LYST: variants seen among roughly 807,000 people sequenced by gnomAD.
LYST encodes the protein lysosomal trafficking regulator, also known as lysosomal-trafficking regulator.
In LYST, 192 loss-of-function variants were observed where a neutral mutation model predicts 413.6. The ratio of observed to expected loss-of-function variants is 0.46; its 90% confidence interval spans 0.41 to 0.52. The LOEUF (loss-of-function observed/expected upper bound fraction) is 0.52, where lower values mean the gene tolerates loss of function less well. Among genes scored for constraint, LYST ranks in the 20% least tolerant of loss-of-function variants. The probability of loss-of-function intolerance (pLI) is 0.00; values close to 1 mark genes in which losing one functional copy is unlikely to be tolerated. For missense variants in LYST, 3,815 were observed against 4,499.9 expected (o/e 0.85, Z 4.35); for synonymous variants, 1,525 against 1,567.3 (o/e 0.97, Z 0.64).
At chr1:235,666,258 ACACACACACAC>A (rs1558095640) in intron 50 of LYST, among the ~76,000 whole-genome samples, 2 of 149,234 alleles carry the variant, frequency 1.3e-5, no homozygotes, top group African/African-American at 5.0e-5. Context: ...ACACACACAC[ACACACACACAC>A]AATTTTCTTT....
intron 42 of LYST, chr1:235,712,971 G>A (rs1215073069): frequency 3.0e-6 from 3 of 985,274 alleles, no homozygotes; most frequent in Non-Finnish European, 3.6e-6. Flanking sequence ...TGTTTCTTAG[G>A]AACCATATTG....
chr1:235,792,145 A>G lies in LYST; in HGVS notation c.4117-20T>C. ...AATTTTCTAGAGAAAAAGAAAAACA[A>G]ATGAAACTTTCTAATCACGTAATAA... On this transcript the variant is annotated intron_variant, in intron 11 of 52. Coordinates refer to ENST00000389793, the MANE Select transcript of LYST (RefSeq NM_000081.4). 6.7e-7 allele frequency: 1 copy of G among 1,502,340 alleles called. No individual in the cohort carries two copies. Among genetic ancestry groups the G allele is most frequent in the Non-Finnish European group, 9.2e-7 (1 of 1,081,924 alleles). The allele number at this position is 1,502,340 out of a possible 1,614,324, so 93.1% of individuals were successfully genotyped here.
At chr1:235,669,556 G>A (rs1658760437) in intron 50 of LYST, among the ~76,000 whole-genome samples, 2 of 152,172 alleles carry the variant, frequency 1.3e-5, no homozygotes, top group Admixed American at 6.5e-5. Flanking sequence ...GTTTCCACAG[G>A]AGTGTGACCT....
intron 12 of LYST, among the ~76,000 whole-genome samples, chr1:235,789,275 AT>A (rs373380972): frequency 2.3e-4 from 35 of 152,246 alleles, no homozygotes; most frequent in African/African-American, 6.5e-4. Context: ...TTAAAAAAAA[AT>A]ATCATATTAC....
Position 235,664,698 on chromosome 1 carries a change from C to T in LYST, c.11039-77G>A. 1 of 1,300,846 alleles carries T rather than the reference C, an allele frequency of 7.7e-7. No homozygotes were observed. The highest frequency in any genetic ancestry group is 1.1e-6 in the Non-Finnish European group (1 of 899,486). 80.6% of individuals were successfully genotyped at this position (1,300,846 alleles called of 1,614,324 possible). On this transcript the variant is annotated intron_variant, in intron 50 of 52. Transcript: ENST00000389793. This position sits in a 1 kb window ranked among gnomAD's most constrained non-coding sequence, Gnocchi z 4.5. ...CCCACATTTGGCCCCAGAAGGGCAA[C>T]CCTGAAGGGCAAGCTCATTTGTTTA...
In LYST at chr1:235,806,064, T is replaced by G; in HGVS notation, c.3072A>C (p.Leu1024Phe). Reference sequence around the variant, plus strand: ...TTCTCTTAGGTTGAGAAATTCTGTTTAAATCCTGGTTTTCATTTACACTTG... The same window carrying G: ...TTCTCTTAGGTTGAGAAATTCTGTTGAAATCCTGGTTTTCATTTACACTTG... ...GDTSVNENQD[L>F]NRISQPKRTM... The change falls in exon 6 of 53, where the codon TTA becomes TTC. Residue 1024 changes from leucine to phenylalanine, a missense_variant. Coordinates refer to ENST00000389793, the MANE Select transcript of LYST (RefSeq NM_000081.4). 2 of 1,613,862 alleles carry G rather than the reference T, an allele frequency of 1.2e-6. No individual in the cohort carries two copies. Among genetic ancestry groups the G allele is most frequent in the Non-Finnish European group, 1.7e-6 (2 of 1,179,888 alleles).
At chr1:235,830,453 G>A in intron 2 of LYST, 29 bp from the exon 3 acceptor site, 1 of 1,450,660 alleles carries the variant, frequency 6.9e-7, no homozygotes, top group Non-Finnish European at 9.5e-7. Flanking sequence ...AAAAAAAAAA[G>A]ATTAGGAAAA....
rs746751530 is a variant in LYST at position 235,806,044 on chromosome 1, T to C, written c.3092A>G (p.Lys1031Arg). 5 of 1,613,918 alleles carry C rather than the reference T, an allele frequency of 3.1e-6. No homozygotes were observed. Among genetic ancestry groups the C allele is most frequent in the African/African-American group, 1.3e-5 (1 of 75,054 alleles). ...NQDLNRISQP[K>R]RTMKEDLLSL... ...TAATAAATCTTCCTTCATAGTTCTC[T>C]TAGGTTGAGAAATTCTGTTTAAATC... Residue 1031 changes from lysine (K) to arginine (R), a missense_variant, in exon 6 of 53, where the codon AAG becomes AGG. Transcript: ENST00000389793.
chr1:235,832,795 G>A (rs902306844), intron 2 of LYST, among the ~76,000 whole-genome samples: 4 of 151,966 alleles, frequency 2.6e-5, no homozygotes, highest in South Asian at 2.1e-4. Context: ...AGAAATTGCC[G>A]TTATTTCATA....
rs529001912 is a variant in LYST at position 235,722,944 on chromosome 1, G to A, written c.9315+1084C>T. On this transcript the variant is annotated intron_variant, in intron 39 of 52. Coordinates refer to ENST00000389793, the MANE Select transcript of LYST (RefSeq NM_000081.4). ...TGATTTCAGAAACAGTATGGATGCA[G>A]GAAGGCCAGTTAGGAGGCTACTGTA... Among the ~76,000 whole-genome samples the A allele has an allele frequency of 3.9e-5, 6 of 152,328 alleles. No homozygotes were observed. In the South Asian group the frequency reaches 1.2e-3, roughly 32 times the overall value.
At chr1:235,808,127 T>A (rs186727128) in intron 5 of LYST, among the ~76,000 whole-genome samples, 4 of 152,332 alleles carry the variant, frequency 2.6e-5, no homozygotes, top group African/African-American at 9.6e-5. Flanking sequence ...CAGTTGTATA[T>A]CTAAAACTTT....
intron 4 of LYST, among the ~76,000 whole-genome samples, chr1:235,812,132 T>G (rs1471537633): frequency 6.6e-6 from 1 of 152,088 alleles, no homozygotes; most frequent in Non-Finnish European, 1.5e-5. Flanking sequence ...GACATATGAT[T>G]TCTTCAAAAT....
At chr1:235,712,647 T>C (rs6683412) in intron 42 of LYST, 415,866 of 983,968 alleles carry the variant, frequency 0.42, 94,268 homozygotes, top group African/African-American at 0.83. Context: ...TCACTTTGAA[T>C]TGTTAAGACT....
At position 235,716,762 on chromosome 1, in the gene LYST, T is replaced by C; in HGVS notation, c.9577A>G (p.Ile3193Val). Residue 3193 changes from isoleucine (I) to valine (V), a missense_variant, in exon 41 of 53, where the codon ATA (isoleucine) becomes GTA (valine). Ile to Val is a conservative substitution (Grantham distance 29). This residue lies in a region of LYST where 866 missense variants were observed against 1,156.0 expected (regional missense o/e 0.75). Coordinates refer to ENST00000389793, the MANE Select transcript of LYST (RefSeq NM_000081.4). Reference protein sequence around the residue: ...LLIYRNLSKPIAVQYKEKEDR... With the variant: ...LLIYRNLSKPVAVQYKEKEDR... ...TCTTTTTCTTTATACTGAACAGCTA[T>C]AGGTTTAGAGAGATTTCTGCAAGAA... 1.3e-6 allele frequency: 2 copies of C among 1,588,420 alleles called. No homozygotes were observed. Among genetic ancestry groups the C allele is most frequent in the Non-Finnish European group, 1.7e-6 (2 of 1,157,126 alleles).
At chr1:235,740,514 A>G (rs903637883) in intron 31 of LYST, among the ~76,000 whole-genome samples, 8 of 152,016 alleles carry the variant, frequency 5.3e-5, no homozygotes, top group African/African-American at 1.9e-4. Flanking sequence ...AGAATCACAG[A>G]TTGTACTCCT....
At chr1:235,861,888 T>A (rs1042238398) in intron 1 of LYST, among the ~76,000 whole-genome samples, 1 of 152,228 alleles carries the variant, frequency 6.6e-6, no homozygotes, top group Admixed American at 6.5e-5. Flanking sequence ...ATTTAACATG[T>A]GATGGCCCAT....
intron 2 of LYST, among the ~76,000 whole-genome samples, chr1:235,831,658 T>C (rs1675996551): frequency 6.6e-6 from 1 of 152,180 alleles, no homozygotes; most frequent in African/African-American, 2.4e-5. Context: ...TTCTAGGTAT[T>C]ACAGTAACTC....
chr1:235,714,040 T>C (rs1157030360), intron 42 of LYST, among the ~76,000 whole-genome samples: 1 of 152,142 alleles, frequency 6.6e-6, no homozygotes, highest in African/African-American at 2.4e-5. Flanking sequence ...TTAAACACTG[T>C]AGGGGCCCAA....
chr1:235,777,416 T>C, intron 16 of LYST, 108 bp from the exon 17 acceptor site: 1 of 961,926 alleles, frequency 1.0e-6, no homozygotes, highest in Non-Finnish European at 1.6e-6. Flanking sequence ...GATCCTTTTC[T>C]TTGTTTAAAA....
Sources: gnomAD v4.1 joint callset for allele counts (sites outside exome capture counted in the v4.1 genomes callset) on GRCh38, gnomAD v4.1.1 for gene constraint, gnomAD v4.1.1 regional missense constraint, Gnocchi (gnomAD v3.1) non-coding constraint, MANE v1.5 for transcripts, NCBI Gene and HGNC (gene_info 2026-07-23, HGNC 2026-07-21) for gene names.